Variants in NXN observed in about 807,000 individuals in gnomAD.
NXN encodes nucleoredoxin, also known as nucleoredoxin 1.
In NXN, 16 loss-of-function variants were observed where a neutral mutation model predicts 48.6. The observed-to-expected ratio is 0.33, with a 90% CI of 0.22 to 0.50. The LOEUF is 0.50. NXN is among the 20% of genes least tolerant of loss of function. The probability of loss-of-function intolerance (pLI) is 0.98; values close to 1 mark genes in which losing one functional copy is unlikely to be tolerated. For synonymous variants in NXN, 281 were observed against 269.6 expected (o/e 1.04, Z -0.41); for missense variants, 492 against 605.5 (o/e 0.81, Z 1.97).
chr17:854,800 A>T (rs1274279774), intron 1 of NXN, among the ~76,000 whole-genome samples: 1 of 151,858 alleles, frequency 6.6e-6, no homozygotes, highest in Non-Finnish European at 1.5e-5. Flanking sequence ...CTCTACTAAA[A>T]ATACAAAAAT....
chr17:865,570 C>T (rs1263581255), intron 1 of NXN, among the ~76,000 whole-genome samples: 1 of 152,020 alleles, frequency 6.6e-6, no homozygotes, highest in East Asian at 1.9e-4. Flanking sequence ...AAAGCAATGA[C>T]AGTCTCTCCC....
chr17:838,621 G>A (rs984210286), intron 1 of NXN, among the ~76,000 whole-genome samples: 1 of 152,134 alleles, frequency 6.6e-6, no homozygotes, highest in South Asian at 2.1e-4. Context: ...TAAACTTTAC[G>A]TTACATATAT....
At chr17:927,532 A>G (rs1209740758) in intron 1 of NXN, among the ~76,000 whole-genome samples, 1 of 143,412 alleles carries the variant, frequency 7.0e-6, no homozygotes, top group South Asian at 2.3e-4. Context: ...GTGAGCCAAG[A>G]TTACGCCATT....
chr17:813,734 C>T (rs1471446484), intron 5 of NXN, among the ~76,000 whole-genome samples: 8 of 151,984 alleles, frequency 5.3e-5, no homozygotes, highest in Non-Finnish European at 1.0e-4. Context: ...TTTGGGAGGC[C>T]AAGGCGGGCA....
chr17:873,493 CAAAAA>C (rs71145783), intron 1 of NXN, among the ~76,000 whole-genome samples: 17 of 74,978 alleles, frequency 2.3e-4, no homozygotes, highest in African/African-American at 7.9e-4. Context: ...ACACTGTCTC[CAAAAA>C]AAAAAAAAAA....
intron 1 of NXN, among the ~76,000 whole-genome samples, chr17:853,723 A>ATATTTTT (rs1491528474): frequency 5.9e-4 from 62 of 105,972 alleles, no homozygotes; most frequent in African/African-American, 2.7e-3. Context: ...ATATATATAT[A>ATATTTTT]TTTTTTTTTT....
rs149675282 is a variant in NXN, at chr17:958,632, G to C, written c.360+20687C>G. Among the ~76,000 whole-genome samples, 1 of 152,156 alleles carries C rather than the reference G, an allele frequency of 6.6e-6. No homozygotes were observed. Among genetic ancestry groups the C allele is most frequent in the Non-Finnish European group, 1.5e-5 (1 of 68,040 alleles). Reference sequence around the variant, plus strand: ...CTAAAAATACAAAAATTAGCCAGGCGTGGTGGCGTGCGCCTGTAGTCCCAG... The same window carrying C: ...CTAAAAATACAAAAATTAGCCAGGCCTGGTGGCGTGCGCCTGTAGTCCCAG... On this transcript the variant is annotated intron_variant, in intron 1 of 7. Transcript: ENST00000336868. This position sits in a 1 kb window ranked among gnomAD's most constrained non-coding sequence, Gnocchi z 6.9.
chr17:959,092 G>A (rs1305750844), intron 1 of NXN: 2 of 322,706 alleles, frequency 6.2e-6, no homozygotes, highest in African/African-American at 4.4e-5. Flanking sequence ...GTGGCTGGAG[G>A]CGCGTCGACC....
intron 5 of NXN, among the ~76,000 whole-genome samples, chr17:813,179 C>T (rs1193740239): frequency 6.6e-6 from 1 of 152,272 alleles, no homozygotes; most frequent in South Asian, 2.1e-4. Context: ...TGTGACGCTA[C>T]AAAGCTTATG....
intron 1 of NXN, among the ~76,000 whole-genome samples, chr17:843,056 G>GAAAGAAAGA (rs113972004): frequency 1.9e-5 from 2 of 107,220 alleles, no homozygotes; most frequent in African/African-American, 3.9e-5. Context: ...AAGAAAGAAA[G>GAAAGAAAGA]AAGGAAGAAA....
At chr17:806,574 C>A (rs917459417) in intron 5 of NXN, among the ~76,000 whole-genome samples, 5 of 152,152 alleles carry the variant, frequency 3.3e-5, no homozygotes, top group South Asian at 4.1e-4. Flanking sequence ...CCGCTCCCCC[C>A]ACACCCTGCA....
At chr17:886,450 C>T (rs1052250657) in intron 1 of NXN, among the ~76,000 whole-genome samples, 2 of 152,168 alleles carry the variant, frequency 1.3e-5, no homozygotes, top group African/African-American at 4.8e-5. Context: ...CCCTGGGAGG[C>T]TGGCAGCGCA....
chr17:975,284 C>A (rs2069445532), intron 1 of NXN, among the ~76,000 whole-genome samples: 2 of 152,186 alleles, frequency 1.3e-5, no homozygotes, highest in Non-Finnish European at 2.9e-5. Flanking sequence ...CTTTTCCCAC[C>A]TTGAAAGTGA....
intron 1 of NXN, among the ~76,000 whole-genome samples, chr17:946,740 C>T (rs2069048537): frequency 6.6e-6 from 1 of 152,250 alleles, no homozygotes; most frequent in South Asian, 2.1e-4. Context: ...CGCTGACGGG[C>T]TCGGCCAGCA....
intron 3 of NXN, 73 bp from the exon 4 acceptor site, chr17:822,530 C>T (rs189529545): frequency 5.2e-6 from 6 of 1,153,270 alleles, no homozygotes; most frequent in East Asian, 4.8e-5. Context: ...CATCCAAGGC[C>T]GGGTTAGCAG....
At chr17:867,834 G>A (rs2068108933) in intron 1 of NXN, among the ~76,000 whole-genome samples, 1 of 151,790 alleles carries the variant, frequency 6.6e-6, no homozygotes, top group South Asian at 2.1e-4. Context: ...GCTGAGGCAT[G>A]AGAATCGCTT....
intron 1 of NXN, among the ~76,000 whole-genome samples, chr17:914,663 A>G (rs2144932969): frequency 6.6e-6 from 1 of 152,314 alleles, no homozygotes; most frequent in South Asian, 2.1e-4. Flanking sequence ...AAAGATGAGG[A>G]GCAGAGACTC....
chr17:894,764 G>A (rs576896533), intron 1 of NXN, among the ~76,000 whole-genome samples: 20 of 152,270 alleles, frequency 1.3e-4, no homozygotes, highest in African/African-American at 2.6e-4. Flanking sequence ...TGACGGAGGC[G>A]CCCCAAGAAG....
At chr17:862,461 C>A (rs890156888) in intron 1 of NXN, among the ~76,000 whole-genome samples, 4 of 152,180 alleles carry the variant, frequency 2.6e-5, no homozygotes, top group Non-Finnish European at 4.4e-5. Flanking sequence ...GAGTTAGAGG[C>A]TACAGCGAGC....
Sources: gnomAD v4.1 joint callset for allele counts (sites outside exome capture counted in the v4.1 genomes callset) on GRCh38, gnomAD v4.1.1 for gene constraint, Gnocchi (gnomAD v3.1) non-coding constraint, MANE v1.5 for transcripts, NCBI Gene and HGNC (gene_info 2026-07-23, HGNC 2026-07-21) for gene names.